TTC21B: variants seen among roughly 807,000 people sequenced by gnomAD.
TTC21B encodes the protein tetratricopeptide repeat protein 21B.
A neutral mutation model predicts 175.1 loss-of-function variants in TTC21B; 127 were observed. The ratio of observed to expected loss-of-function variants is 0.73; its 90% CI spans 0.63 to 0.84. The LOEUF (loss-of-function observed/expected upper bound fraction) is 0.84. TTC21B is among the 40% of genes least tolerant of loss of function. The pLI is 0.00. For missense variants in TTC21B, 1,561 were observed against 1,558.3 expected (o/e 1.00, Z -0.03); for synonymous variants, 524 against 524.5 (o/e 1.00, Z 0.01).
At position 165,929,762 on chromosome 2, in the gene TTC21B, CAGAA is replaced by C. The variant is rs773490047; in HGVS notation, c.1088-19_1088-16del. On this transcript the variant is annotated splice_polypyrimidine_tract_variant and intron_variant, in intron 9 of 28. Coordinates refer to ENST00000243344, the MANE Select transcript of TTC21B (RefSeq NM_024753.5). The stretch of plus-strand genomic sequence containing the variant: ...TTGGATAAATCCTAAAATCAAACAG[CAGAA>C]AGACAGTCAAAGTCCACACCAATTC... 6.4e-7 allele frequency: 1 copy of C among 1,571,734 alleles called. No individual in the cohort carries two copies. The highest frequency in any genetic ancestry group is 1.1e-5 in the South Asian group (1 of 90,266).
rs372652471 is a variant in TTC21B at position 165,875,269 on chromosome 2, C to T, written c.3874-437G>A. Among the ~76,000 whole-genome samples, 443 of 82,472 alleles carry T rather than the reference C, an allele frequency of 5.4e-3. 1 individual carries two copies. Among genetic ancestry groups the T allele is most frequent in the African/African-American group, 0.022 (431 of 19,556 alleles). The allele number at this position is 82,472 out of a possible 152,430, so 54.1% of individuals were successfully genotyped here. A position where few individuals can be genotyped will look rare whatever the true frequency, so the allele number is the denominator to read the frequency against. ...TACTGAGTCTAAGAGTGGGGAGATG[C>T]TAGTTTTTTTTTTTAACTCCAAAAA... On this transcript the variant is annotated intron_variant, in intron 28 of 28. Coordinates refer to ENST00000243344, the MANE Select transcript of TTC21B (RefSeq NM_024753.5).
chr2:165,932,671 C>T (rs955929641), intron 7 of TTC21B, among the ~76,000 whole-genome samples: 1 of 151,874 alleles, frequency 6.6e-6, no homozygotes, highest in African/African-American at 2.4e-5. Flanking sequence ...TATCTAGTTA[C>T]ATTAATCATA....
chr2:165,923,628 G>C (rs1686504550), intron 12 of TTC21B, among the ~76,000 whole-genome samples: 1 of 150,716 alleles, frequency 6.6e-6, no homozygotes, highest in Non-Finnish European at 1.5e-5. Flanking sequence ...GTTTTTAGTA[G>C]AGACAGGATT....
In TTC21B at chr2:165,884,148, T is replaced by C. The variant is rs868805743; in HGVS notation, c.3460-130A>G. 187 of 772,192 alleles carry C rather than the reference T, an allele frequency of 2.4e-4. 2 individuals are homozygous for C. The South Asian group carries it at 2.7e-3, about 11-fold the overall frequency. The allele number at this position is 772,192 out of a possible 1,614,324, so 47.8% of individuals were successfully genotyped here. On this transcript the variant is annotated intron_variant, in intron 25 of 28. Transcript: ENST00000243344. ...TTTCTAGCTCCATTACAGATAACTG[T>C]GATTACAGGTCATTATTTAACACAT...
intron 3 of TTC21B, among the ~76,000 whole-genome samples, 163 bp from the exon 4 acceptor site, chr2:165,945,853 A>G (rs1687540009): frequency 6.6e-6 from 1 of 152,230 alleles, no homozygotes; most frequent in South Asian, 2.1e-4. Flanking sequence ...TTCTAGTAGC[A>G]CTATCAAAGA....
intron 25 of TTC21B, among the ~76,000 whole-genome samples, chr2:165,884,622 C>G (rs1481533448): frequency 6.6e-6 from 1 of 152,114 alleles, no homozygotes; most frequent in Non-Finnish European, 1.5e-5. Flanking sequence ...TAAACTCATG[C>G]CTTAAAATAT....
intron 26 of TTC21B, among the ~76,000 whole-genome samples, 157 bp from the exon 27 acceptor site, chr2:165,880,956 C>T (rs1436941672): frequency 6.6e-6 from 1 of 152,138 alleles, no homozygotes; most frequent in East Asian, 1.9e-4. Flanking sequence ...TTTTACTGAA[C>T]TTAATAAATG....
At chr2:165,929,813 A>G in intron 9 of TTC21B, 66 bp from the exon 10 acceptor site, 1 of 1,015,974 alleles carries the variant, frequency 9.8e-7, no homozygotes, top group Admixed American at 1.7e-5. Flanking sequence ...CTTCAAGCTA[A>G]CATAACAACA....
chr2:165,940,428 G>A (rs1473149982), intron 6 of TTC21B, among the ~76,000 whole-genome samples: 1 of 152,018 alleles, frequency 6.6e-6, no homozygotes, highest in Admixed American at 6.6e-5. Flanking sequence ...CATCTAGCAC[G>A]GGCTCACTCC....
intron 1 of TTC21B, among the ~76,000 whole-genome samples, chr2:165,950,216 G>A (rs1687719467): frequency 6.6e-6 from 1 of 152,082 alleles, no homozygotes; most frequent in Non-Finnish European, 1.5e-5. Flanking sequence ...ATCATCAAAT[G>A]TTATCTTACT....
At chr2:165,941,444 C>A (rs1055134753) in intron 5 of TTC21B, among the ~76,000 whole-genome samples, 1 of 150,146 alleles carries the variant, frequency 6.7e-6, no homozygotes, top group Non-Finnish European at 1.5e-5. Context: ...AAAATGTTCT[C>A]GGAAATACCA....
At position 165,890,937 on chromosome 2, in the gene TTC21B, T is replaced by C. The variant is rs1559042093; in HGVS notation, c.3002A>G (p.Lys1001Arg). Residue 1001 changes from lysine (K) to arginine (R), a missense_variant, in exon 23 of 29, where the codon AAA becomes AGA. Physicochemically the swap from Lys to Arg is conservative, Grantham distance 26. Transcript: ENST00000243344. ...GAAAAATCTTGGGACATCCTCGAGTTTTCCACATCTTCTTAGGAGATCAAT... is the reference window on the plus strand; with the variant it reads ...GAAAAATCTTGGGACATCCTCGAGTCTTCCACATCTTCTTAGGAGATCAAT... Reference protein sequence around the residue: ...RLIDLLRRCGKLEDVPRFFSM... With the variant: ...RLIDLLRRCGRLEDVPRFFSM... 6.2e-7 allele frequency: 1 copy of C among 1,613,296 alleles called. No individual in the cohort carries two copies.
At chr2:165,908,976 A>T (rs961451335) in intron 18 of TTC21B, among the ~76,000 whole-genome samples, 1 of 152,170 alleles carries the variant, frequency 6.6e-6, no homozygotes, top group African/African-American at 2.4e-5. Context: ...AAGCTAAACC[A>T]AAAGATCATT....
chr2:165,930,016 A>G (rs1238208352), intron 9 of TTC21B, among the ~76,000 whole-genome samples, 156 bp downstream of exon 9: 2 of 129,558 alleles, frequency 1.5e-5, no homozygotes, highest in African/African-American at 5.1e-5. Flanking sequence ...TTTGTGAATT[A>G]AAAATTTTAA....
At chr2:165,875,869 C>T (rs547871037) in intron 28 of TTC21B, among the ~76,000 whole-genome samples, 18 of 150,978 alleles carry the variant, frequency 1.2e-4, no homozygotes, top group Non-Finnish European at 2.1e-4. Context: ...AATCCTACTC[C>T]TTTCCATACA....
At chr2:165,950,389 G>A (rs950722378) in intron 1 of TTC21B, among the ~76,000 whole-genome samples, 3 of 152,132 alleles carry the variant, frequency 2.0e-5, no homozygotes, top group African/African-American at 7.2e-5. Context: ...ATGGGCCTGT[G>A]CTGTCTACCA....
At chr2:165,918,461 C>T (rs934885105) in intron 13 of TTC21B, among the ~76,000 whole-genome samples, 3 of 151,954 alleles carry the variant, frequency 2.0e-5, no homozygotes, top group Non-Finnish European at 4.4e-5. Context: ...CGCCTGGCTA[C>T]TTTTTTTGTA....
chr2:165,906,816 A>T (rs1331483686), intron 19 of TTC21B, among the ~76,000 whole-genome samples: 1 of 151,920 alleles, frequency 6.6e-6, no homozygotes, highest in Non-Finnish European at 1.5e-5. Context: ...TTAGCTGGGC[A>T]TGGTGGTGAG....
intron 5 of TTC21B, among the ~76,000 whole-genome samples, chr2:165,942,558 T>C (rs1687408074): frequency 6.6e-6 from 1 of 152,154 alleles, no homozygotes; most frequent in African/African-American, 2.4e-5. Flanking sequence ...CCCACCTTTC[T>C]TCCTCAGGCC....
Sources: gnomAD v4.1 joint callset for allele counts (sites outside exome capture counted in the v4.1 genomes callset) on GRCh38, gnomAD v4.1.1 for gene constraint, MANE v1.5 for transcripts, NCBI Gene and HGNC (gene_info 2026-07-23, HGNC 2026-07-21) for gene names.